Variants in IL7 observed in about 807,000 individuals in gnomAD.
IL7 encodes the protein interleukin 7, also known as interleukin-7.
A neutral mutation model predicts 21.6 loss-of-function variants in IL7; 3 were observed. The ratio of observed to expected loss-of-function variants is 0.14; its 90% CI spans 0.06 to 0.36. The LOEUF (loss-of-function observed/expected upper bound fraction) is 0.36, where lower values mean the gene tolerates loss of function less well. Among genes scored for constraint, IL7 ranks in the 10% least tolerant of loss-of-function variants. The pLI is 1.00. For synonymous variants in IL7, 62 were observed against 68.1 expected (o/e 0.91, Z 0.44); for missense variants, 175 against 200.2 (o/e 0.87, Z 0.76).
intron 2 of IL7, among the ~76,000 whole-genome samples, chr8:78,790,205 C>T (rs1439122701): frequency 6.6e-6 from 1 of 152,104 alleles, no homozygotes. Flanking sequence ...CTGAGTTATT[C>T]CTAGAAAGCG....
chr8:78,707,689 A>G (rs1810818611), intron 3 of IL7, among the ~76,000 whole-genome samples: 1 of 152,194 alleles, frequency 6.6e-6, no homozygotes, highest in Non-Finnish European at 1.5e-5. Flanking sequence ...TCCATTCTGT[A>G]TAAGATCCTT....
chr8:78,689,488 A>T, intron 3 of IL7: 3 of 949,364 alleles, frequency 3.2e-6, no homozygotes. Flanking sequence ...GCTTTTATAG[A>T]TATATAGTTT....
At chr8:78,688,450 A>G (rs1225096111) in intron 3 of IL7, among the ~76,000 whole-genome samples, 1 of 152,056 alleles carries the variant, frequency 6.6e-6, no homozygotes, top group East Asian at 1.9e-4. Context: ...AAAAGGGCAA[A>G]CTCTGTATCA....
At chr8:78,737,690 TCAAA>T (rs1811639536) in intron 4 of IL7, among the ~76,000 whole-genome samples, 1 of 152,124 alleles carries the variant, frequency 6.6e-6, no homozygotes, top group Non-Finnish European at 1.5e-5. Flanking sequence ...CTACTAGTGC[TCAAA>T]CAAAACAAAA....
chr8:78,751,693 A>G (rs1319305875), intron 2 of IL7, among the ~76,000 whole-genome samples: 1 of 152,212 alleles, frequency 6.6e-6, no homozygotes, highest in Non-Finnish European at 1.5e-5. Context: ...CATATGTGAT[A>G]TACAATGTGT....
At chr8:78,727,417 A>G (rs576238642) in intron 3 of IL7, among the ~76,000 whole-genome samples, 7 of 152,190 alleles carry the variant, frequency 4.6e-5, no homozygotes, top group African/African-American at 1.7e-4. Context: ...ATTAAAGAAC[A>G]TGGCCACTTA....
In IL7 at chr8:78,762,283, A is replaced by G. The variant is rs1726937589; in HGVS notation, c.148-22201T>C. On this transcript the variant is annotated intron_variant, in intron 2 of 5. Coordinates refer to ENST00000263851, the MANE Select transcript of IL7 (RefSeq NM_000880.4). The stretch of plus-strand genomic sequence containing the variant: ...ATCGATAATGTTTATTTAGCTGATC[A>G]GGTGTTTTATCTTCTAAGTCTGCTC... 15 of 1,584,334 alleles carry G rather than the reference A, an allele frequency of 9.5e-6. No individual in the cohort carries two copies. In the South Asian group the frequency reaches 1.2e-4, roughly 13 times the overall value.
At chr8:78,799,251 C>A (rs1813969752) in intron 1 of IL7, among the ~76,000 whole-genome samples, 1 of 152,128 alleles carries the variant, frequency 6.6e-6, no homozygotes, top group Non-Finnish European at 1.5e-5. Context: ...CTCCTTCAAA[C>A]CCAAGGAACT....
intron 2 of IL7, among the ~76,000 whole-genome samples, chr8:78,777,533 C>T (rs564800244): frequency 6.6e-6 from 1 of 152,150 alleles, no homozygotes; most frequent in South Asian, 2.1e-4. Flanking sequence ...TTAAGGACTC[C>T]ATGCATTCAC....
At chr8:78,803,209 G>A (rs753840690) in intron 1 of IL7, among the ~76,000 whole-genome samples, 1 of 151,928 alleles carries the variant, frequency 6.6e-6, no homozygotes, top group Non-Finnish European at 1.5e-5. Context: ...CTGTTGCCTA[G>A]GCTGGAGGAC....
chr8:78,804,840 G>T (rs1814255349), intron 1 of IL7, 73 bp downstream of exon 1: 1 of 1,579,050 alleles, frequency 6.3e-7, no homozygotes, highest in Non-Finnish European at 8.7e-7. Context: ...AGGAGCAGGG[G>T]CCCCCAGCGC....
At chr8:78,765,025 A>C (rs1812711022) in intron 2 of IL7, among the ~76,000 whole-genome samples, 1 of 152,230 alleles carries the variant, frequency 6.6e-6, no homozygotes, top group South Asian at 2.1e-4. Flanking sequence ...AAATCGACTC[A>C]CCTAAGTATA....
chr8:78,676,623 C>T lies in IL7; in HGVS notation n.274-519G>A, dbSNP rs1333633924. Among the ~76,000 whole-genome samples, 5 of 152,062 alleles carry T rather than the reference C, an allele frequency of 3.3e-5. No homozygotes were observed. The East Asian group carries it at 9.7e-4, about 29-fold the overall frequency. ...GTTCTGCCATGATCCACTGTGCATC[C>T]TCTTACTATTTCTAGTTTGTTTCTT... On this transcript the variant is annotated intron_variant and non_coding_transcript_variant, in intron 4 of 4. Transcript: ENST00000523959.
intron 2 of IL7, chr8:78,761,848 T>G (rs912310783): frequency 6.2e-7 from 1 of 1,611,860 alleles, no homozygotes; most frequent in African/African-American, 1.3e-5. Context: ...TAAAGAGACC[T>G]TCTGGGATTT....
intron 2 of IL7, among the ~76,000 whole-genome samples, chr8:78,785,503 GT>G (rs1201648978): frequency 6.6e-6 from 1 of 152,096 alleles, no homozygotes; most frequent in Non-Finnish European, 1.5e-5. Flanking sequence ...GGATTTCAAT[GT>G]ATTTCCTTGG....
At chr8:78,763,075 T>C (rs1812631987) in intron 2 of IL7, among the ~76,000 whole-genome samples, 1 of 152,144 alleles carries the variant, frequency 6.6e-6, no homozygotes. Context: ...TAGGCTCTGG[T>C]TGTTAGTGAA....
Position 78,733,812 on chromosome 8 carries a change from C to T in IL7, c.435G>A (p.Lys145=). 1 of 1,561,984 alleles carries T rather than the reference C, an allele frequency of 6.4e-7. No homozygotes were observed. Among genetic ancestry groups the T allele is most frequent in the Non-Finnish European group, 8.7e-7 (1 of 1,153,830 alleles). The change falls in exon 6 of 6, where the codon AAG becomes AAA. Residue 145 remains lysine (K), a synonymous_variant. Transcript: ENST00000263851. Reference sequence around the variant, plus strand: ...ACAAGTCATTCAGTTTTTTCTGTTCCTTTAAAGATTTATTTTCTTCCTAGA... The same window carrying T: ...ACAAGTCATTCAGTTTTTTCTGTTCTTTTAAAGATTTATTTTCTTCCTAGA... The part of the protein sequence containing the change: ...TKSLEENKSL[K]EQKKLNDLCF...
At chr8:78,762,863 G>A (rs1006859829) in intron 2 of IL7, among the ~76,000 whole-genome samples, 1 of 151,920 alleles carries the variant, frequency 6.6e-6, no homozygotes, top group African/African-American at 2.4e-5. Context: ...TACCTTATCT[G>A]TGCATCTATT....
At chr8:78,717,590 A>T, downstream of IL7, 1 of 1,290,762 alleles carries the variant, frequency 7.7e-7, no homozygotes, top group Non-Finnish European at 1.1e-6. Context: ...TGTGCTAAAA[A>T]TACTCGAAAT....
Sources: allele counts gnomAD v4.1 joint callset (sites outside exome capture counted in the v4.1 genomes callset), GRCh38; gene constraint gnomAD v4.1.1; transcripts MANE v1.5; gene names NCBI Gene and HGNC (gene_info 2026-07-23, HGNC 2026-07-21).